Variants in SDK1 observed in about 807,000 individuals in gnomAD.
SDK1 encodes the protein sidekick cell adhesion molecule 1.
A neutral mutation model predicts 245.5 loss-of-function variants in SDK1; 157 were observed. The observed-to-expected ratio is 0.64, with a 90% CI of 0.56 to 0.73. The LOEUF is 0.73. SDK1 is among the 30% of genes least tolerant of loss of function. The pLI, the probability that SDK1 is intolerant of heterozygous loss-of-function variation, is 0.00. For missense variants in SDK1, 3,583 were observed against 3,002.3 expected, an observed-to-expected ratio of 1.19 and a Z score of -4.52; for synonymous variants, 1,647 against 1,278.5, an observed-to-expected ratio of 1.29 and a Z score of -6.15.
chr7:3,936,770 C>G (rs572497082), intron 5 of SDK1, among the ~76,000 whole-genome samples: 1 of 152,276 alleles, frequency 6.6e-6, no homozygotes, highest in African/African-American at 2.4e-5. Context: ...CCACTTTAAT[C>G]AAGGGTACTG....
intron 1 of SDK1, among the ~76,000 whole-genome samples, chr7:3,476,771 C>G (rs1417107517): frequency 6.6e-6 from 1 of 152,162 alleles, no homozygotes; most frequent in African/African-American, 2.4e-5. Context: ...ATCCCCAGGC[C>G]CAGCGATTGA....
chr7:4,206,011 C>G lies in SDK1; in HGVS notation c.5214+17C>G. On this transcript the variant is annotated intron_variant, in intron 36 of 44. Coordinates refer to ENST00000404826, the MANE Select transcript of SDK1 (RefSeq NM_152744.4). The stretch of plus-strand genomic sequence containing the variant: ...GGCTACAAGGCAAGGCCCTCCCGTG[C>G]GGTTGCCTCCCCTGGCTCGCTTGGG... The G allele has an allele frequency of 1.3e-6, 2 of 1,483,186 alleles. No individual in the cohort carries two copies. The highest frequency in any genetic ancestry group is 1.8e-6 in the Non-Finnish European group (2 of 1,100,316). The allele number at this position is 1,483,186 out of a possible 1,614,324, so 91.9% of individuals were successfully genotyped here.
rs115122438 is a variant in SDK1, at chr7:3,871,738, G to A, written c.847+50155G>A. On this transcript the variant is annotated intron_variant, in intron 5 of 44. Transcript: ENST00000404826. ...AGTATAGTGAATGACCAACCCTTTC[G>A]TGAGGGATCTGCCCCCATGACCCCA... Among the ~76,000 whole-genome samples the A allele has an allele frequency of 5.3e-5, 8 of 152,224 alleles. No homozygotes were observed. In the South Asian group the frequency reaches 8.3e-4, roughly 16 times the overall value.
chr7:3,809,362 A>G (rs942463572), intron 4 of SDK1, among the ~76,000 whole-genome samples: 5 of 152,128 alleles, frequency 3.3e-5, no homozygotes, highest in African/African-American at 1.2e-4. Flanking sequence ...CCCACCTCCC[A>G]TACTAGGAAT....
intron 4 of SDK1, among the ~76,000 whole-genome samples, chr7:3,774,107 T>C (rs760650828): frequency 1.1e-4 from 17 of 148,908 alleles, no homozygotes; most frequent in Non-Finnish European, 2.2e-4. Flanking sequence ...CCTAGTTACT[T>C]GGGAGGCTGA....
At chr7:3,899,200 C>G (rs1235380799) in intron 5 of SDK1, among the ~76,000 whole-genome samples, 1 of 152,164 alleles carries the variant, frequency 6.6e-6, no homozygotes, top group Non-Finnish European at 1.5e-5. Context: ...GTTGAGGAAC[C>G]TCCATGCTCT....
In SDK1 at chr7:3,572,851, T is replaced by C. The variant is rs146519192; in HGVS notation, c.299-46229T>C. Among the ~76,000 whole-genome samples the C allele has an allele frequency of 4.4e-4, 67 of 152,116 alleles. 2 individuals carry two copies. Among genetic ancestry groups the C allele is most frequent in the Non-Finnish European group, 7.9e-4 (54 of 67,976 alleles). The stretch of plus-strand genomic sequence containing the variant: ...AAATAGAGGGTGCTATTGAAATGTA[T>C]TCACCTGAAGAAGGGAGGAAGAGAT... On this transcript the variant is annotated intron_variant, in intron 1 of 44. Coordinates refer to ENST00000404826, the MANE Select transcript of SDK1 (RefSeq NM_152744.4).
At chr7:3,910,085 AG>A (rs1372426118) in intron 5 of SDK1, among the ~76,000 whole-genome samples, 1 of 152,196 alleles carries the variant, frequency 6.6e-6, no homozygotes, top group Non-Finnish European at 1.5e-5. Flanking sequence ...GTTTCTTTGC[AG>A]GGGGAAAAAG....
chr7:3,548,596 GGAAAT>G (rs1424948700), intron 1 of SDK1, among the ~76,000 whole-genome samples: 1 of 152,122 alleles, frequency 6.6e-6, no homozygotes, highest in African/African-American at 2.4e-5. Context: ...ACACATTCCT[GGAAAT>G]GAAATAGCTG....
chr7:3,839,096 C>T (rs1293666372), intron 5 of SDK1, among the ~76,000 whole-genome samples: 1 of 152,152 alleles, frequency 6.6e-6, no homozygotes, highest in Non-Finnish European at 1.5e-5. Context: ...CCTCCATTTC[C>T]ATGTGTACTC....
intron 1 of SDK1, among the ~76,000 whole-genome samples, chr7:3,457,766 C>T (rs577663394): frequency 2.0e-5 from 3 of 152,264 alleles, no homozygotes; most frequent in Admixed American, 6.5e-5. Flanking sequence ...ATCTTGGCAC[C>T]TCACACCACC....
chr7:3,474,091 GTTTTTTTTTTTTT>G lies in SDK1; in HGVS notation c.299-144970_299-144958del, dbSNP rs869083123. 1.0e-3 allele frequency among the ~76,000 whole-genome samples: 45 copies of G among 43,232 alleles called. No homozygotes were observed. In the South Asian group the frequency reaches 0.02, roughly 19 times the overall value. The allele number at this position is 43,232 out of a possible 152,430, so 28.4% of individuals were successfully genotyped here. ...CAACTTGACATCTCTACCAGATGGT[GTTTTTTTTTTTTT>G]TTTTTTTTTTTTTTTTTTGAGACCG... On this transcript the variant is annotated intron_variant, in intron 1 of 44. Transcript: ENST00000404826.
In SDK1 at chr7:3,578,772, C is replaced by T. The variant is rs578052991; in HGVS notation, c.299-40308C>T. Among the ~76,000 whole-genome samples the T allele has an allele frequency of 2.6e-5, 4 of 151,930 alleles. No individual in the cohort carries two copies. In the East Asian group the frequency reaches 7.7e-4, roughly 29 times the overall value. On this transcript the variant is annotated intron_variant, in intron 1 of 44. Transcript: ENST00000404826. ...TTGCCTCACCCCACAGGCAGTCAGA[C>T]CTTATGGTTGTCTTCCCTTGTTCCC...
chr7:4,204,818 G>A (rs1784103505), intron 35 of SDK1, among the ~76,000 whole-genome samples: 1 of 152,202 alleles, frequency 6.6e-6, no homozygotes, highest in East Asian at 1.9e-4. Context: ...GCCCCAGTGG[G>A]AGGAGGGAGT....
rs1781880911 is a variant in SDK1 at position 3,395,751 on chromosome 7, T to C, written c.298+93867T>C. ...TCGTGACTTTTTAGGAATTTGTCTA[T>C]TTAAGTTGTTGAATTTGTTGGCGTA... is the stretch of plus-strand genomic sequence containing the variant. On this transcript the variant is annotated intron_variant, in intron 1 of 44. Transcript: ENST00000404826. 2.6e-5 allele frequency among the ~76,000 whole-genome samples: 4 copies of C among 152,052 alleles called. No homozygotes were observed. The South Asian group carries it at 8.3e-4, about 32-fold the overall frequency.
intron 1 of SDK1, among the ~76,000 whole-genome samples, chr7:3,458,837 C>G (rs1484081875): frequency 1.3e-5 from 2 of 152,128 alleles, no homozygotes; most frequent in African/African-American, 4.8e-5. Flanking sequence ...TTTTGTCTAC[C>G]TATGCACCAT....
intron 4 of SDK1, among the ~76,000 whole-genome samples, chr7:3,776,605 A>G (rs1042990622): frequency 7.9e-5 from 12 of 152,242 alleles, no homozygotes; most frequent in Non-Finnish European, 1.6e-4. Context: ...TGCAGAAAAC[A>G]TGGAGGTTAA....
rs190651716 is a variant in SDK1, at chr7:3,916,000, A to G, written c.848-34923A>G. ...CAAAAAGTGACTGGAGCAGATCTCA[A>G]TAGATGAGAAGTTTATTTTGTCAAG... is the stretch of plus-strand genomic sequence containing the variant. On this transcript the variant is annotated intron_variant, in intron 5 of 44. Transcript: ENST00000404826. Among the ~76,000 whole-genome samples the G allele has an allele frequency of 9.8e-3, 1,490 of 152,336 alleles. 18 individuals are homozygous for G. Among genetic ancestry groups the G allele is most frequent in the South Asian group, 0.036 (174 of 4,830 alleles).
chr7:3,794,653 C>T (rs746387657), intron 4 of SDK1, among the ~76,000 whole-genome samples: 4 of 152,182 alleles, frequency 2.6e-5, no homozygotes, highest in Non-Finnish European at 5.9e-5. Flanking sequence ...TCTGCAGAGT[C>T]CTCACAGCAA....
Sources: gnomAD v4.1 joint callset for allele counts (sites outside exome capture counted in the v4.1 genomes callset) on GRCh38, gnomAD v4.1.1 for gene constraint, MANE v1.5 for transcripts, NCBI Gene and HGNC (gene_info 2026-07-23, HGNC 2026-07-21) for gene names.